HDAC9: variants seen among roughly 807,000 people sequenced by gnomAD.
HDAC9 encodes the protein MEF-2 interacting transcription repressor (MITR) protein.
HDAC9 carries 41 observed loss-of-function variants against 139.4 expected under a neutral mutation model. The observed-to-expected ratio is 0.29, with a 90% CI of 0.23 to 0.38. HDAC9 has a LOEUF of 0.38. Ranked by LOEUF, HDAC9 falls within the 10% of genes least tolerant of loss-of-function variation. The pLI is 1.00. For synonymous variants in HDAC9, 517 were observed against 476.2 expected, an observed-to-expected ratio of 1.09 and a Z score of -1.12; for missense variants, 1,147 against 1,297.0, an observed-to-expected ratio of 0.88 and a Z score of 1.78.
At position 18,394,664 on chromosome 7, in the gene HDAC9, G is replaced by T. The variant is rs571300440; in HGVS notation, c.-41-101598G>T. Among the ~76,000 whole-genome samples, 6 of 152,118 alleles carry T rather than the reference G, an allele frequency of 3.9e-5. No individual in the cohort carries two copies. In the East Asian group the frequency reaches 1.2e-3, roughly 29 times the overall value. On this transcript the variant is annotated intron_variant, in intron 1 of 3. Transcript: ENST00000413509. ...CAAGTTATTTTAAAGTATATCTTGA[G>T]GATCAAGGGCTAGTACAATAGACTA...
At chr7:18,795,193 C>T (rs1562947317) in intron 17 of HDAC9, among the ~76,000 whole-genome samples, 2 of 127,000 alleles carry the variant, frequency 1.6e-5, no homozygotes, top group East Asian at 5.2e-4. Context: ...ACGATTGGTA[C>T]AAATTTCTTC....
At chr7:18,910,713 G>A (rs1487506436) in intron 22 of HDAC9, among the ~76,000 whole-genome samples, 3 of 151,886 alleles carry the variant, frequency 2.0e-5, no homozygotes, top group East Asian at 1.9e-4. Flanking sequence ...TGTGATGATC[G>A]TATGGCTTTC....
intron 23 of HDAC9, among the ~76,000 whole-genome samples, chr7:18,943,845 G>C (rs561586188): frequency 6.6e-6 from 1 of 152,062 alleles, no homozygotes; most frequent in African/African-American, 2.4e-5. Flanking sequence ...TTGCTGTGTT[G>C]ATATCACCCT....
At chr7:18,730,235 C>G (rs1026101528) in intron 13 of HDAC9, among the ~76,000 whole-genome samples, 1 of 152,194 alleles carries the variant, frequency 6.6e-6, no homozygotes, top group East Asian at 1.9e-4. Context: ...CATCTTCACT[C>G]TGCTATTCCA....
intron 25 of HDAC9, 65 bp downstream of exon 25, chr7:18,976,018 G>T: frequency 1.3e-6 from 2 of 1,522,670 alleles, no homozygotes; most frequent in Admixed American, 3.8e-5. Context: ...TGATATTTGT[G>T]AATCTTCCTC....
intron 1 of HDAC9, among the ~76,000 whole-genome samples, chr7:18,384,513 C>T (rs1220647448): frequency 6.6e-6 from 1 of 152,096 alleles, no homozygotes; most frequent in East Asian, 1.9e-4. Context: ...TAATATTTTT[C>T]AATATCAAAT....
intron 1 of HDAC9, among the ~76,000 whole-genome samples, chr7:18,418,958 C>G (rs762904855): frequency 1.4e-4 from 21 of 151,904 alleles, no homozygotes; most frequent in Non-Finnish European, 2.9e-4. Flanking sequence ...TTGTTTGTTT[C>G]TTTGTTTTGT....
intron 2 of HDAC9, among the ~76,000 whole-genome samples, chr7:18,175,452 C>G (rs1788811480): frequency 6.6e-6 from 1 of 152,188 alleles, no homozygotes; most frequent in Non-Finnish European, 1.5e-5. Context: ...AGCTCACCCT[C>G]CATGGGCTGT....
intron 17 of HDAC9, among the ~76,000 whole-genome samples, chr7:18,798,612 C>T (rs1016875439): frequency 4.6e-5 from 7 of 152,070 alleles, no homozygotes; most frequent in African/African-American, 1.7e-4. Context: ...CATTATTTGA[C>T]CTGTCCAGTG....
chr7:18,636,475 A>C (rs557912843), intron 8 of HDAC9, among the ~76,000 whole-genome samples: 4 of 152,192 alleles, frequency 2.6e-5, no homozygotes, highest in South Asian at 2.1e-4. Flanking sequence ...TGCACAAAGC[A>C]AACAAAAACT....
intron 7 of HDAC9, among the ~76,000 whole-genome samples, chr7:18,633,534 A>G (rs940320704): frequency 2.0e-5 from 3 of 152,036 alleles, no homozygotes; most frequent in African/African-American, 7.2e-5. Context: ...GAGGAAGAGA[A>G]ATGCCTTATA....
At chr7:18,834,459 A>G (rs1282153736) in intron 19 of HDAC9, among the ~76,000 whole-genome samples, 1 of 150,586 alleles carries the variant, frequency 6.6e-6, no homozygotes, top group African/African-American at 2.4e-5. Flanking sequence ...TTCATTTCTT[A>G]TATCAATTCT....
At chr7:18,166,366 G>A (rs986542695) in intron 2 of HDAC9, among the ~76,000 whole-genome samples, 4 of 152,152 alleles carry the variant, frequency 2.6e-5, no homozygotes, top group Non-Finnish European at 5.9e-5. Context: ...AGAAGTGAAA[G>A]GTTTATAGCA....
intron 2 of HDAC9, among the ~76,000 whole-genome samples, chr7:18,503,857 G>T (rs1277301645): frequency 2.0e-5 from 3 of 152,100 alleles, no homozygotes; most frequent in Non-Finnish European, 4.4e-5. Context: ...TTTGCTTGAG[G>T]TACATTTTGG....
At chr7:18,191,469 T>TTTTAGACATTCTCTGG (rs1475324161) in intron 2 of HDAC9, among the ~76,000 whole-genome samples, 2 of 152,212 alleles carry the variant, frequency 1.3e-5, no homozygotes, top group African/African-American at 4.8e-5. Context: ...GAGAGAATGA[T>TTTTAGACATTCTCTGG]TTTAGACAAA....
chr7:18,369,196 C>G (rs1051015969), intron 1 of HDAC9, among the ~76,000 whole-genome samples: 3 of 151,888 alleles, frequency 2.0e-5, no homozygotes, highest in African/African-American at 7.3e-5. Flanking sequence ...AAATGCAATT[C>G]TGGATTGTTG....
intron 17 of HDAC9, among the ~76,000 whole-genome samples, chr7:18,817,496 G>C (rs1301867070): frequency 4.6e-5 from 7 of 152,196 alleles, no homozygotes; most frequent in African/African-American, 1.7e-4. Context: ...AGAACATTTG[G>C]ATCTTTTTTC....
chr7:18,142,382 C>G (rs1445217034), intron 1 of HDAC9, among the ~76,000 whole-genome samples: 2 of 152,196 alleles, frequency 1.3e-5, no homozygotes, highest in African/African-American at 4.8e-5. Flanking sequence ...TCTGTCCCCC[C>G]AGTGGCAATT....
chr7:18,222,569 T>C lies in HDAC9; in HGVS notation c.25+60220T>C, dbSNP rs556901710. Among the ~76,000 whole-genome samples, 3 of 152,286 alleles carry C rather than the reference T, an allele frequency of 2.0e-5. No individual in the cohort carries two copies. In the South Asian group the frequency reaches 6.2e-4, roughly 32 times the overall value. On this transcript the variant is annotated intron_variant, in intron 2 of 12. Coordinates refer to the HDAC9 transcript ENST00000417496. ...CAGTATACATTAAAAAGTGAATGTT[T>C]CCCATAATCTTACCCCCTACAGATG...
Sources: allele counts gnomAD v4.1 joint callset (sites outside exome capture counted in the v4.1 genomes callset), GRCh38; gene constraint gnomAD v4.1.1; transcripts MANE v1.5; gene names NCBI Gene and HGNC (gene_info 2026-07-23, HGNC 2026-07-21).